Variants in SEZ6L observed in about 807,000 individuals in gnomAD.
SEZ6L encodes the protein seizure 6-like protein.
In SEZ6L, 37 loss-of-function variants were observed where a neutral mutation model predicts 106.2. The observed-to-expected ratio is 0.35, with a 90% CI of 0.27 to 0.46. The LOEUF is 0.46. SEZ6L is among the 20% of genes least tolerant of loss of function. The probability of loss-of-function intolerance (pLI) is 1.00; values close to 1 mark genes in which losing one functional copy is unlikely to be tolerated. For synonymous variants in SEZ6L, 541 were observed against 570.4 expected (o/e 0.95, Z 0.73); for missense variants, 1,172 against 1,332.8 (o/e 0.88, Z 1.88).
chr22:26,283,152 C>T (rs2080827211), intron 1 of SEZ6L, among the ~76,000 whole-genome samples: 1 of 152,212 alleles, frequency 6.6e-6, no homozygotes, highest in South Asian at 2.1e-4. Flanking sequence ...CAACTCCTGA[C>T]CTCATGATCT....
chr22:26,220,888 TATGA>T (rs2078445566), intron 1 of SEZ6L, among the ~76,000 whole-genome samples: 1 of 85,748 alleles, frequency 1.2e-5, no homozygotes, highest in Non-Finnish European at 2.5e-5. Context: ...ATAAATACTG[TATGA>T]ATGGATGGAT....
intron 13 of SEZ6L, among the ~76,000 whole-genome samples, chr22:26,366,874 C>A (rs903240569): frequency 2.0e-5 from 3 of 152,048 alleles, no homozygotes; most frequent in South Asian, 2.1e-4. Flanking sequence ...GCCTAGAACT[C>A]CTGACCTCAA....
At chr22:26,369,282 C>T (rs954604147) in intron 13 of SEZ6L, among the ~76,000 whole-genome samples, 3 of 150,628 alleles carry the variant, frequency 2.0e-5, no homozygotes, top group Non-Finnish European at 2.9e-5. Flanking sequence ...GCAATTTAAT[C>T]TTACCAGGTA....
rs1175520871 is a variant in SEZ6L at position 26,348,612 on chromosome 22, A to AAAAGAAAGAAAGAAAG, written c.2407+719_2407+734dup. ...AGAAAGAAAGAAAGAAAGAAAGAGA[A>AAAAGAAAGAAAGAAAG]AAAGAAAGAAAGAAAGAAAGAAAGA... On this transcript the variant is annotated intron_variant, in intron 11 of 16. Coordinates refer to ENST00000248933, the MANE Select transcript of SEZ6L (RefSeq NM_021115.5). Among the ~76,000 whole-genome samples, 17 of 21,780 alleles carry AAAAGAAAGAAAGAAAG rather than the reference A, an allele frequency of 7.8e-4. 1 individual carries two copies. The highest frequency in any genetic ancestry group is 0.023 in the Middle Eastern group (1 of 44). The allele number at this position is 21,780 out of a possible 152,430, so 14.3% of individuals were successfully genotyped here.
intron 13 of SEZ6L, among the ~76,000 whole-genome samples, chr22:26,372,219 G>A (rs867566147): frequency 1.3e-4 from 20 of 152,252 alleles, no homozygotes; most frequent in Middle Eastern, 3.4e-3. Flanking sequence ...TGAGAATACC[G>A]CTCTGACAAG....
At chr22:26,352,137 G>C (rs1036770811) in intron 12 of SEZ6L, among the ~76,000 whole-genome samples, 2 of 149,184 alleles carry the variant, frequency 1.3e-5, no homozygotes, top group African/African-American at 2.5e-5. Flanking sequence ...CCCTAGCTTG[G>C]GTGGCACAGC....
At chr22:26,375,971 T>G (rs1236145962) in intron 15 of SEZ6L, among the ~76,000 whole-genome samples, 1 of 152,242 alleles carries the variant, frequency 6.6e-6, no homozygotes, top group Non-Finnish European at 1.5e-5. Context: ...CCAGGCATGT[T>G]GATTTGTTCC....
At chr22:26,249,038 A>AT (rs1365661616) in intron 1 of SEZ6L, among the ~76,000 whole-genome samples, 1 of 152,170 alleles carries the variant, frequency 6.6e-6, no homozygotes, top group Non-Finnish European at 1.5e-5. Context: ...TTTTTTAAGT[A>AT]TTTTTTAATT....
chr22:26,172,774 G>A (rs1938714152), intron 1 of SEZ6L, among the ~76,000 whole-genome samples: 1 of 151,402 alleles, frequency 6.6e-6, no homozygotes, highest in African/African-American at 2.4e-5. Flanking sequence ...AAAATTATTG[G>A]TCACCCTTGA....
chr22:26,329,200 G>A (rs2082407272), intron 9 of SEZ6L, among the ~76,000 whole-genome samples: 1 of 152,170 alleles, frequency 6.6e-6, no homozygotes, highest in South Asian at 2.1e-4. Flanking sequence ...GGGCACGGTG[G>A]CTCAAACCTG....
intron 3 of SEZ6L, among the ~76,000 whole-genome samples, chr22:26,296,411 G>T (rs532558484): frequency 6.6e-6 from 1 of 152,322 alleles, no homozygotes; most frequent in African/African-American, 2.4e-5. Flanking sequence ...TATGTGCCAG[G>T]TACTATTCTA....
At chr22:26,186,348 A>G (rs1601972856) in intron 1 of SEZ6L, among the ~76,000 whole-genome samples, 1 of 152,178 alleles carries the variant, frequency 6.6e-6, no homozygotes, top group Non-Finnish European at 1.5e-5. Context: ...CAGTTGTTAT[A>G]CTTGTTAGAG....
intron 1 of SEZ6L, among the ~76,000 whole-genome samples, chr22:26,287,637 A>T (rs1204310927): frequency 2.0e-5 from 3 of 152,158 alleles, no homozygotes; most frequent in Admixed American, 6.5e-5. Flanking sequence ...TCATGGGGAT[A>T]TTCTGATTGC....
chr22:26,273,026 A>G (rs2080419472), intron 1 of SEZ6L, among the ~76,000 whole-genome samples: 1 of 152,258 alleles, frequency 6.6e-6, no homozygotes, highest in Admixed American at 6.5e-5. Flanking sequence ...TAAGGCTGAA[A>G]AAGTGGTAGC....
intron 13 of SEZ6L, among the ~76,000 whole-genome samples, chr22:26,371,215 C>A (rs2084024228): frequency 6.6e-6 from 1 of 152,090 alleles, no homozygotes; most frequent in South Asian, 2.1e-4. Context: ...CAAAAAAAAT[C>A]TTGCCCATGA....
At chr22:26,348,552 AGG>A (rs1569473257) in intron 11 of SEZ6L, among the ~76,000 whole-genome samples, 13 of 83,908 alleles carry the variant, frequency 1.5e-4, no homozygotes, top group Admixed American at 2.7e-4. Flanking sequence ...GAAGGAAGGA[AGG>A]AAGGAAGGGA....
chr22:26,348,650 GAA>G (rs1396364444), intron 11 of SEZ6L, among the ~76,000 whole-genome samples: 1 of 18,912 alleles, frequency 5.3e-5, no homozygotes, highest in Non-Finnish European at 1.1e-4. Context: ...GAAAGAAAAA[GAA>G]AGAAAGAAAG....
At chr22:26,223,944 T>C (rs1177721533) in intron 1 of SEZ6L, among the ~76,000 whole-genome samples, 1 of 152,184 alleles carries the variant, frequency 6.6e-6, no homozygotes, top group African/African-American at 2.4e-5. Context: ...TGACCCATCA[T>C]TTTTGCTTTT....
At chr22:26,251,573 G>C (rs2079588239) in intron 1 of SEZ6L, among the ~76,000 whole-genome samples, 1 of 152,190 alleles carries the variant, frequency 6.6e-6, no homozygotes, top group Non-Finnish European at 1.5e-5. Flanking sequence ...TTGTGTATTT[G>C]GGGTGGTGGG....
Sources: gnomAD v4.1 joint callset for allele counts (sites outside exome capture counted in the v4.1 genomes callset) on GRCh38, gnomAD v4.1.1 for gene constraint, MANE v1.5 for transcripts, NCBI Gene and HGNC (gene_info 2026-07-23, HGNC 2026-07-21) for gene names.